CCDC33: variants seen among roughly 807,000 people sequenced by gnomAD.
CCDC33 encodes coiled-coil domain containing 33.
Under a neutral mutation model 91.9 loss-of-function variants are expected in CCDC33, and 94 were observed. That is an observed-to-expected ratio of 1.02 (90% CI 0.87 to 1.21). The LOEUF is 1.21. CCDC33 is among the 50% of genes most tolerant of loss of function. CCDC33 has a pLI of 0.00. For synonymous variants in CCDC33, 396 were observed against 374.5 expected (o/e 1.06, Z -0.66); for missense variants, 940 against 935.5 (o/e 1.00, Z -0.06).
At chr15:74,330,806 G>A (rs899526613) in intron 13 of CCDC33, 55 bp downstream of exon 13, 1 of 1,552,312 alleles carries the variant, frequency 6.4e-7, no homozygotes, top group Non-Finnish European at 8.9e-7. Context: ...GGGAGCATCG[G>A]GGTGAGAAGA....
rs768844995 is a variant in CCDC33, at chr15:74,331,038, G to A, written c.1603G>A (p.Ala535Thr). 1.7e-5 allele frequency: 28 copies of A among 1,612,096 alleles called. No homozygotes were observed. The highest frequency in any genetic ancestry group is 5.5e-5 in the South Asian group (5 of 90,788). ...LLYQAQQPQA[A>T]LLKQYQGKLQ... is the part of the protein sequence containing the mutation. ...GTATCAGGCCCAGCAGCCACAGGCCGCTCTGCTGAAGCAGTACCAGGGCAA... is the reference window on the plus strand; with the variant it reads ...GTATCAGGCCCAGCAGCCACAGGCCACTCTGCTGAAGCAGTACCAGGGCAA... The change falls in exon 14 of 19, where the codon GCT becomes ACT. Residue 535 changes from alanine (A) to threonine (T), a missense_variant. Physicochemically the swap from Ala to Thr is moderately conservative, Grantham distance 58. Transcript: ENST00000398814.
chr15:74,331,260 C>G lies in CCDC33; in HGVS notation c.1735C>G (p.Pro579Ala), dbSNP rs1260217146. The G allele has an allele frequency of 4.3e-6, 7 of 1,614,116 alleles. No individual in the cohort carries two copies. The highest frequency in any genetic ancestry group is 5.1e-6 in the Non-Finnish European group (6 of 1,179,984). ...EDRLQDRSKP[P>A]PLNRQQGKPY... Reference sequence around the variant, plus strand: ...CAGGCTGCAGGACAGGAGCAAGCCCCCTCCTCTGAACAGGCAGCAGGGAAA... The same window carrying G: ...CAGGCTGCAGGACAGGAGCAAGCCCGCTCCTCTGAACAGGCAGCAGGGAAA... Residue 579 changes from proline to alanine, a missense_variant, in exon 15 of 19, where the codon CCT becomes GCT. Physicochemically the swap from Pro to Ala is conservative, Grantham distance 27. Transcript: ENST00000398814.
upstream of CCDC33, among the ~76,000 whole-genome samples, chr15:74,235,216 G>C (rs2075111338): frequency 3.3e-5 from 5 of 152,196 alleles, no homozygotes; most frequent in African/African-American, 9.6e-5. Context: ...TGGGGTTCCT[G>C]ACTACCATCC....
chr15:74,331,392 G>A lies in CCDC33; in HGVS notation c.1771+96G>A, dbSNP rs1033633756. On this transcript the variant is annotated intron_variant, in intron 15 of 18. Transcript: ENST00000398814. ...GCCTCTCAGCTTCAGGAGAACCTGC[G>A]AAGAGGTCCCCTGCACTCAGTTATG... The A allele has an allele frequency of 2.2e-5, 27 of 1,245,462 alleles. No individual in the cohort carries two copies. In the Admixed American group the frequency reaches 3.3e-4, roughly 15 times the overall value. The allele number at this position is 1,245,462 out of a possible 1,614,324, so 77.2% of individuals were successfully genotyped here. A position where few individuals can be genotyped will look rare whatever the true frequency, so the allele number is the denominator to read the frequency against.
chr15:74,266,699 A>T lies in CCDC33; in HGVS notation c.341A>T (p.Asp114Val). ...CCAGATGTGATCCTCAAGGTGGTGGACAACAGAAAGAAACAGGAGTTGTTG... is the reference window on the plus strand; with the variant it reads ...CCAGATGTGATCCTCAAGGTGGTGGTCAACAGAAAGAAACAGGAGTTGTTG... ...GQEDVILKVV[D>V]NRKKQELLSY... Residue 114 changes from aspartate (D) to valine (V), a missense_variant, in exon 4 of 19, where the codon GAC (aspartate) becomes GTC (valine). Coordinates refer to ENST00000398814, the MANE Select transcript of CCDC33 (RefSeq NM_025055.5). 6.2e-7 allele frequency: 1 copy of T among 1,614,036 alleles called. No individual in the cohort carries two copies. The highest frequency in any genetic ancestry group is 8.5e-7 in the Non-Finnish European group (1 of 1,179,868).
chr15:74,318,556 C>A (rs1436194193), intron 11 of CCDC33: 3 of 697,506 alleles, frequency 4.3e-6, no homozygotes, highest in Non-Finnish European at 7.8e-6. Flanking sequence ...TCCCTGGGGA[C>A]CCATCCTGGG....
chr15:74,284,358 C>A (rs1271702222), intron 10 of CCDC33, among the ~76,000 whole-genome samples: 2 of 152,098 alleles, frequency 1.3e-5, no homozygotes, highest in Non-Finnish European at 2.9e-5. Context: ...GTGTCTGAGA[C>A]CTTTTGGCAT....
At chr15:74,336,157 C>T, downstream of CCDC33, 3 of 1,513,456 alleles carry the variant, frequency 2.0e-6, no homozygotes, top group Non-Finnish European at 2.6e-6. Flanking sequence ...TTCCTCTTTC[C>T]TGGAGCAGGG....
chr15:74,262,390 C>T (rs2076049191), intron 2 of CCDC33, 50 bp from the exon 3 acceptor site: 3 of 1,607,320 alleles, frequency 1.9e-6, no homozygotes, highest in African/African-American at 2.7e-5. Context: ...TGGGGACAAG[C>T]AGCAGACAGA....
At chr15:74,309,764 G>T (rs2142733647) in intron 11 of CCDC33, among the ~76,000 whole-genome samples, 1 of 152,216 alleles carries the variant, frequency 6.6e-6, no homozygotes, top group Non-Finnish European at 1.5e-5. Flanking sequence ...ACTACAAATG[G>T]ATCTGTGCCC....
At chr15:74,217,275 G>A (rs1479436907) in exon 1 of CCDC33, 11 of 1,267,222 alleles carry the variant, frequency 8.7e-6, no homozygotes, top group Non-Finnish European at 1.1e-5. Context: ...AGTGGCCATG[G>A]CATTCAGGGG....
At chr15:74,246,665 A>T (rs2075539601) in intron 2 of CCDC33, among the ~76,000 whole-genome samples, 1 of 152,206 alleles carries the variant, frequency 6.6e-6, no homozygotes, top group African/African-American at 2.4e-5. Context: ...AACACAAGAG[A>T]TAAGTGTTGG....
chr15:74,256,695 T>C (rs900156676), intron 2 of CCDC33, among the ~76,000 whole-genome samples: 4 of 152,192 alleles, frequency 2.6e-5, no homozygotes, highest in Non-Finnish European at 4.4e-5. Context: ...TTCCTGACCC[T>C]GCATCGCCTC....
chr15:74,303,471 T>C (rs351187), intron 11 of CCDC33: 136,354 of 152,580 alleles, frequency 0.89, 61,322 homozygotes, highest in Non-Finnish European at 0.95. Context: ...TCCAAACAGA[T>C]GCCCTTGACT....
chr15:74,262,413 G>T, intron 2 of CCDC33, 27 bp from the exon 3 acceptor site: 1 of 1,612,760 alleles, frequency 6.2e-7, no homozygotes, highest in South Asian at 1.1e-5. Context: ...CCCTCCCTTT[G>T]ACTCACCCTG....
At chr15:74,217,911 C>A (rs987357403) in intron 1 of CCDC33, among the ~76,000 whole-genome samples, 1 of 152,070 alleles carries the variant, frequency 6.6e-6, no homozygotes. Flanking sequence ...GACATTACAC[C>A]GAGTAATATT....
chr15:74,250,326 G>A (rs752287657), intron 2 of CCDC33, among the ~76,000 whole-genome samples: 6 of 152,092 alleles, frequency 3.9e-5, no homozygotes, highest in Admixed American at 6.6e-5. Context: ...GGCTCAGCAC[G>A]GTTGGGTCTT....
chr15:74,270,697 T>C (rs1371889772), intron 5 of CCDC33, among the ~76,000 whole-genome samples: 1 of 151,790 alleles, frequency 6.6e-6, no homozygotes, highest in Non-Finnish European at 1.5e-5. Context: ...GTCCGGGAGA[T>C]CAGGGCCTCT....
chr15:74,265,795 G>A (rs503893), intron 3 of CCDC33, among the ~76,000 whole-genome samples: 6,029 of 152,300 alleles, frequency 0.04, 401 homozygotes, highest in African/African-American at 0.13. Context: ...AGTCTGAGGC[G>A]GGTGGATCAC....
Sources: allele counts gnomAD v4.1 joint callset (sites outside exome capture counted in the v4.1 genomes callset), GRCh38; gene constraint gnomAD v4.1.1; transcripts MANE v1.5; gene names NCBI Gene and HGNC (gene_info 2026-07-23, HGNC 2026-07-21).